Variants in DGKG observed in about 807,000 individuals in gnomAD.
The protein encoded by DGKG is diacylglycerol kinase gamma.
A neutral mutation model predicts 105.3 loss-of-function variants in DGKG; 78 were observed. The ratio of observed to expected loss-of-function variants is 0.74; its 90% CI spans 0.62 to 0.89. The LOEUF is 0.89. DGKG is among the 40% of genes least tolerant of loss of function. DGKG has a pLI of 0.00. For synonymous variants in DGKG, 346 were observed against 367.1 expected (o/e 0.94, Z 0.66); for missense variants, 958 against 1,020.1 (o/e 0.94, Z 0.83).
chr3:186,318,003 C>T (rs938393825), intron 2 of DGKG, among the ~76,000 whole-genome samples: 3 of 152,114 alleles, frequency 2.0e-5, no homozygotes, highest in South Asian at 2.1e-4. Context: ...TTTTGTTGTA[C>T]GTGCATTGAT....
intron 2 of DGKG, among the ~76,000 whole-genome samples, chr3:186,311,539 A>G (rs1449728083): frequency 6.6e-6 from 1 of 152,192 alleles, no homozygotes; most frequent in Admixed American, 6.5e-5. Flanking sequence ...CAAGGTTACC[A>G]GTGCCCTAAG....
At chr3:186,254,222 C>T (rs1306338456) in intron 17 of DGKG, among the ~76,000 whole-genome samples, 2 of 152,080 alleles carry the variant, frequency 1.3e-5, no homozygotes, top group Non-Finnish European at 2.9e-5. Context: ...GTGATTGCGG[C>T]GTGAGGAGAG....
chr3:186,181,688 G>A (rs1026949542), intron 22 of DGKG, among the ~76,000 whole-genome samples: 1 of 152,154 alleles, frequency 6.6e-6, no homozygotes. Context: ...AGCCGAGACT[G>A]CACCATTGCA....
At chr3:186,274,722 C>T (rs1722496420) in intron 10 of DGKG, among the ~76,000 whole-genome samples, 1 of 152,088 alleles carries the variant, frequency 6.6e-6, no homozygotes, top group Non-Finnish European at 1.5e-5. Flanking sequence ...TGAACTCATC[C>T]TTTTTTATGG....
At chr3:186,230,060 C>G (rs1004543982) in intron 20 of DGKG, among the ~76,000 whole-genome samples, 1 of 152,114 alleles carries the variant, frequency 6.6e-6, no homozygotes, top group Non-Finnish European at 1.5e-5. Context: ...GAGATCAAGA[C>G]CATCCTGGCC....
intron 8 of DGKG, 120 bp downstream of exon 8, chr3:186,280,550 G>A (rs938435934): frequency 2.8e-6 from 2 of 713,812 alleles, no homozygotes; most frequent in African/African-American, 3.5e-5. Flanking sequence ...CAAAGAAGCT[G>A]CCTATAAGAA....
chr3:186,244,197 G>A (rs1720827342), intron 19 of DGKG, among the ~76,000 whole-genome samples: 1 of 151,952 alleles, frequency 6.6e-6, no homozygotes, highest in Admixed American at 6.6e-5. Context: ...GCCTCTGTGT[G>A]TGTTTTTAAG....
chr3:186,245,358 ACT>A (rs1385374099), intron 19 of DGKG, among the ~76,000 whole-genome samples: 2 of 151,948 alleles, frequency 1.3e-5, no homozygotes, highest in Non-Finnish European at 2.9e-5. Flanking sequence ...GAGGGTGAAG[ACT>A]CTGACCACGT....
At chr3:186,173,598 C>T (rs2108488004) in intron 22 of DGKG, among the ~76,000 whole-genome samples, 1 of 152,378 alleles carries the variant, frequency 6.6e-6, no homozygotes, top group East Asian at 1.9e-4. Flanking sequence ...GGCATGTGTC[C>T]TTGGTGGCTT....
intron 18 of DGKG, 77 bp from the exon 19 acceptor site, chr3:186,251,996 C>T (rs751648376): frequency 1.4e-6 from 2 of 1,394,700 alleles, no homozygotes; most frequent in Non-Finnish European, 1.9e-6. Flanking sequence ...GTTGTCAGGG[C>T]AGGTAAGCCC....
intron 1 of DGKG, among the ~76,000 whole-genome samples, chr3:186,347,883 C>CT (rs1178197051): frequency 6.6e-6 from 1 of 152,084 alleles, no homozygotes; most frequent in East Asian, 1.9e-4. Flanking sequence ...GCACCCAGCC[C>CT]TTTTTTAGTT....
At chr3:186,165,467 A>G (rs896829721) in intron 22 of DGKG, among the ~76,000 whole-genome samples, 2 of 152,228 alleles carry the variant, frequency 1.3e-5, no homozygotes, top group Non-Finnish European at 2.9e-5. Context: ...CCCCACTGAC[A>G]ATGACTGATG....
intron 19 of DGKG, among the ~76,000 whole-genome samples, chr3:186,245,027 G>T (rs546199664): frequency 3.3e-5 from 5 of 152,062 alleles, no homozygotes; most frequent in African/African-American, 1.2e-4. Context: ...AAAAGTGGAG[G>T]GGGGCGGGGA....
chr3:186,196,996 C>T (rs997185069), intron 21 of DGKG, among the ~76,000 whole-genome samples: 3 of 152,166 alleles, frequency 2.0e-5, no homozygotes, highest in Non-Finnish European at 4.4e-5. Context: ...ATACTCAATA[C>T]ATCTTGTTGG....
At chr3:186,273,122 G>C (rs1722397355) in intron 10 of DGKG, among the ~76,000 whole-genome samples, 1 of 152,132 alleles carries the variant, frequency 6.6e-6, no homozygotes, top group African/African-American at 2.4e-5. Flanking sequence ...TGTAAAAAGG[G>C]AAGAAAACGG....
At chr3:186,153,711 A>G (rs1450321990) in intron 24 of DGKG, among the ~76,000 whole-genome samples, 2 of 152,228 alleles carry the variant, frequency 1.3e-5, no homozygotes, top group South Asian at 4.1e-4. Flanking sequence ...AGATTGAGGG[A>G]CTTCTTCCTG....
At chr3:186,255,798 A>G (rs1721438077) in intron 17 of DGKG, among the ~76,000 whole-genome samples, 1 of 152,242 alleles carries the variant, frequency 6.6e-6, no homozygotes, top group East Asian at 1.9e-4. Context: ...AGAACAGATC[A>G]GAGAGGGGAC....
At chr3:186,297,556 C>T (rs1374340243) in intron 4 of DGKG, 73 bp from the exon 5 acceptor site, 1 of 1,030,670 alleles carries the variant, frequency 9.7e-7, no homozygotes, top group Non-Finnish European at 1.5e-6. Context: ...TACAGGACAT[C>T]CCCATGGGAC....
chr3:186,204,049 A>T (rs1718604025), intron 21 of DGKG, among the ~76,000 whole-genome samples: 1 of 152,216 alleles, frequency 6.6e-6, no homozygotes, highest in Non-Finnish European at 1.5e-5. Flanking sequence ...TCTTCTGCAC[A>T]TACTGGTTTG....
Sources: gnomAD v4.1 joint callset for allele counts (sites outside exome capture counted in the v4.1 genomes callset) on GRCh38, gnomAD v4.1.1 for gene constraint, MANE v1.5 for transcripts, NCBI Gene and HGNC (gene_info 2026-07-23, HGNC 2026-07-21) for gene names.